Variants in CHRM3 observed in about 807,000 individuals in gnomAD.
CHRM3 encodes cholinergic receptor muscarinic 3, also known as muscarinic acetylcholine receptor M3.
Under a neutral mutation model 41.8 loss-of-function variants are expected in CHRM3, and 11 were observed. That is an observed-to-expected ratio of 0.26 (90% CI 0.17 to 0.44). The LOEUF (loss-of-function observed/expected upper bound fraction) is 0.44. CHRM3 is among the 20% of genes least tolerant of loss of function. The pLI is 1.00. For missense variants in CHRM3, 571 were observed against 745.4 expected (o/e 0.77, Z 2.72); for synonymous variants, 297 against 301.4 (o/e 0.99, Z 0.15).
At chr1:239,691,412 A>C (rs1268643219) in intron 5 of CHRM3, among the ~76,000 whole-genome samples, 2 of 152,014 alleles carry the variant, frequency 1.3e-5, no homozygotes, top group African/African-American at 2.4e-5. Context: ...CCTGATTCCT[A>C]CAAAAAAAAA....
intron 5 of CHRM3, among the ~76,000 whole-genome samples, chr1:239,683,645 T>A (rs1658790348): frequency 6.6e-6 from 1 of 152,200 alleles, no homozygotes; most frequent in Non-Finnish European, 1.5e-5. Flanking sequence ...GGACAAACAT[T>A]AAGAGATAAA....
chr1:239,482,630 G>A (rs1666931531), intron 1 of CHRM3, among the ~76,000 whole-genome samples: 1 of 152,056 alleles, frequency 6.6e-6, no homozygotes, highest in Non-Finnish European at 1.5e-5. Context: ...CCCATACCTA[G>A]GTTACTCCTA....
intron 5 of CHRM3, among the ~76,000 whole-genome samples, chr1:239,756,485 G>T (rs1026251648): frequency 6.6e-6 from 1 of 152,062 alleles, no homozygotes; most frequent in Non-Finnish European, 1.5e-5. Flanking sequence ...TTATTTCAGG[G>T]AGATGTTAAT....
intron 1 of CHRM3, among the ~76,000 whole-genome samples, chr1:239,414,065 C>T (rs757986787): frequency 3.3e-5 from 5 of 152,072 alleles, no homozygotes; most frequent in African/African-American, 4.8e-5. Context: ...GTAAAGCTTC[C>T]GTGGTGGTTT....
At chr1:239,782,296 G>A (rs760393343) in intron 5 of CHRM3, among the ~76,000 whole-genome samples, 2 of 151,982 alleles carry the variant, frequency 1.3e-5, no homozygotes, top group Non-Finnish European at 2.9e-5. Context: ...AATGGATATA[G>A]GCCTATTTTG....
chr1:239,715,126 A>G (rs563211222), intron 5 of CHRM3, among the ~76,000 whole-genome samples: 6 of 152,270 alleles, frequency 3.9e-5, no homozygotes, highest in East Asian at 1.9e-4. Flanking sequence ...AAAACTGAGA[A>G]GGACCCATTA....
intron 1 of CHRM3, among the ~76,000 whole-genome samples, chr1:239,405,618 T>C (rs756641971): frequency 1.2e-4 from 19 of 152,142 alleles, no homozygotes; most frequent in Non-Finnish European, 2.5e-4. Context: ...AAAAAAAAAT[T>C]GTTCTTTTAG....
Position 239,779,163 on chromosome 1 carries a change from C to T in CHRM3, c.-146-48089C>T, listed in dbSNP as rs78478847. Among the ~76,000 whole-genome samples, 1,271 of 152,100 alleles carry T rather than the reference C, an allele frequency of 8.4e-3. 20 individuals carry two copies. Among genetic ancestry groups the T allele is most frequent in the Non-Finnish European group, 9.3e-3 (634 of 68,008 alleles). ...TTTCTTTGTTTTTTCATAGACTACA[C>T]GTTTTAGAGAAGTCTTAAGTTCATA... On this transcript the variant is annotated intron_variant, in intron 5 of 6. Coordinates refer to ENST00000676153, the MANE Select transcript of CHRM3 (RefSeq NM_001375978.1).
intron 2 of CHRM3, among the ~76,000 whole-genome samples, chr1:239,530,649 C>T (rs1670339137): frequency 6.6e-6 from 1 of 151,964 alleles, no homozygotes; most frequent in Non-Finnish European, 1.5e-5. Flanking sequence ...TGATCCTTCA[C>T]CAAATGGAGA....
intron 3 of CHRM3, among the ~76,000 whole-genome samples, chr1:239,549,141 T>G (rs1472076492): frequency 6.6e-6 from 1 of 152,044 alleles, no homozygotes; most frequent in African/African-American, 2.4e-5. Flanking sequence ...GAGAACAGCA[T>G]GGGAAAAACC....
chr1:239,700,139 G>T (rs952899470), intron 5 of CHRM3, among the ~76,000 whole-genome samples: 1 of 152,018 alleles, frequency 6.6e-6, no homozygotes, highest in Non-Finnish European at 1.5e-5. Context: ...ACAACTACTG[G>T]ACTCTTTGCT....
chr1:239,800,863 A>G (rs556157265), intron 5 of CHRM3, among the ~76,000 whole-genome samples: 4 of 151,842 alleles, frequency 2.6e-5, no homozygotes, highest in Non-Finnish European at 4.4e-5. Flanking sequence ...TGAGAAAAAT[A>G]TAAACTATAA....
At chr1:239,547,140 G>A (rs1378171836) in intron 3 of CHRM3, among the ~76,000 whole-genome samples, 1 of 152,116 alleles carries the variant, frequency 6.6e-6, no homozygotes, top group Admixed American at 6.6e-5. Flanking sequence ...TAAAATTTTT[G>A]CATATAAATG....
At chr1:239,664,537 AC>A (rs1673572483) in intron 4 of CHRM3, among the ~76,000 whole-genome samples, 1 of 151,776 alleles carries the variant, frequency 6.6e-6, no homozygotes, top group East Asian at 1.9e-4. Context: ...TTTTTCTCTT[AC>A]CCCTCATCTT....
chr1:239,407,632 G>A (rs12123857), intron 1 of CHRM3, among the ~76,000 whole-genome samples: 33,460 of 151,686 alleles, frequency 0.22, 3,970 homozygotes, highest in Non-Finnish European at 0.26. Flanking sequence ...CACCATTAAT[G>A]CTGTCACTCA....
chr1:239,390,019 T>A (rs1323100097), intron 1 of CHRM3, among the ~76,000 whole-genome samples: 1 of 152,210 alleles, frequency 6.6e-6, no homozygotes, highest in Admixed American at 6.5e-5. Context: ...TGATTTTATA[T>A]CATATGATGA....
chr1:239,890,298 A>G (rs531455), intron 6 of CHRM3, among the ~76,000 whole-genome samples: 141,094 of 151,286 alleles, frequency 0.93, 66,617 homozygotes, highest in Middle Eastern at 1. Flanking sequence ...GGTGAGCCGA[A>G]ATCATGCCAT....
In CHRM3 at chr1:239,614,480, C is replaced by T. The variant is rs150170347; in HGVS notation, c.-312-17744C>T. Among the ~76,000 whole-genome samples, 16 of 152,124 alleles carry T rather than the reference C, an allele frequency of 1.1e-4. No homozygotes were observed. The East Asian group carries it at 2.7e-3, about 26-fold the overall frequency. Reference sequence around the variant, plus strand: ...AGAACAACCCAAAGATCCAAATGGGCGATGGCACATATAATATGAAATTTT... The same window carrying T: ...AGAACAACCCAAAGATCCAAATGGGTGATGGCACATATAATATGAAATTTT... On this transcript the variant is annotated intron_variant, in intron 3 of 6. Transcript: ENST00000676153.
chr1:239,802,936 T>C (rs74576916), intron 5 of CHRM3, among the ~76,000 whole-genome samples: 1,927 of 152,332 alleles, frequency 0.013, 47 homozygotes, highest in African/African-American at 0.045. Flanking sequence ...GAGATTTGAC[T>C]TTGAGGTGCA....
Sources: allele counts gnomAD v4.1 joint callset (sites outside exome capture counted in the v4.1 genomes callset), GRCh38; gene constraint gnomAD v4.1.1; transcripts MANE v1.5; gene names NCBI Gene and HGNC (gene_info 2026-07-23, HGNC 2026-07-21).